The following OXR1 variants were observed in gnomAD, a reference collection of about 807,000 sequenced individuals.
OXR1 encodes the protein oxidation resistance protein 1.
Under a neutral mutation model 104.6 loss-of-function variants are expected in OXR1, and 41 were observed. The ratio of observed to expected loss-of-function variants is 0.39; its 90% CI spans 0.31 to 0.51. The LOEUF (loss-of-function observed/expected upper bound fraction) is 0.51, where lower values mean the gene tolerates loss of function less well. OXR1 is among the 20% of genes least tolerant of loss of function. OXR1 has a pLI of 0.77. For synonymous variants in OXR1, 348 were observed against 348.4 expected (o/e 1.00, Z 0.01); for missense variants, 955 against 1,031.9 (o/e 0.93, Z 1.02).
At chr8:106,632,276 A>G (rs1822752215) in intron 3 of OXR1, among the ~76,000 whole-genome samples, 1 of 152,190 alleles carries the variant, frequency 6.6e-6, no homozygotes, top group Non-Finnish European at 1.5e-5. Flanking sequence ...AGCATCCATT[A>G]TTGAAGTGAT....
chr8:106,499,276 C>T (rs1811621275), intron 2 of OXR1, among the ~76,000 whole-genome samples: 1 of 151,822 alleles, frequency 6.6e-6, no homozygotes, highest in Non-Finnish European at 1.5e-5. Flanking sequence ...AGAATGACTG[C>T]TAAATTACTA....
In OXR1 at chr8:106,518,934, T is replaced by C. The variant is rs1339093944; in HGVS notation, c.24-9T>C. 3 of 1,541,812 alleles carry C rather than the reference T, an allele frequency of 1.9e-6. No individual in the cohort carries two copies. Among genetic ancestry groups the C allele is most frequent in the East Asian group, 4.9e-5 (2 of 40,798 alleles). ...AGGATTCATAGCATGTGGTCTTCTT[T>C]ACTTGTAGGCTGAAGAAAAAGTCCC... On this transcript the variant is annotated splice_polypyrimidine_tract_variant and intron_variant, in intron 2 of 16. Coordinates refer to ENST00000517566, the MANE Select transcript of OXR1 (RefSeq NM_001198533.2).
chr8:106,649,684 A>G (rs1186543490), intron 3 of OXR1, among the ~76,000 whole-genome samples: 1 of 151,726 alleles, frequency 6.6e-6, no homozygotes, highest in Non-Finnish European at 1.5e-5. Context: ...AATTCTAAAT[A>G]TCTGTCAAAA....
intron 1 of OXR1, among the ~76,000 whole-genome samples, chr8:106,322,564 G>C (rs2130185284): frequency 6.6e-6 from 1 of 152,216 alleles, no homozygotes; most frequent in Middle Eastern, 3.4e-3. Context: ...AGAAATAAAG[G>C]GCATCCAAAT....
At chr8:106,731,912 A>T (rs1207561780) in intron 11 of OXR1, among the ~76,000 whole-genome samples, 1 of 152,142 alleles carries the variant, frequency 6.6e-6, no homozygotes, top group East Asian at 1.9e-4. Context: ...AAATTTTAGA[A>T]TCAATTTGCC....
chr8:106,350,588 A>G (rs998520088), intron 1 of OXR1, among the ~76,000 whole-genome samples: 1 of 152,216 alleles, frequency 6.6e-6, no homozygotes, highest in Non-Finnish European at 1.5e-5. Context: ...GAGAGGACAC[A>G]TAAAACTGCA....
chr8:106,639,906 A>T (rs1386292583), intron 3 of OXR1, among the ~76,000 whole-genome samples: 1 of 152,194 alleles, frequency 6.6e-6, no homozygotes, highest in Non-Finnish European at 1.5e-5. Context: ...CAGACACATA[A>T]ACAAAAAATT....
At chr8:106,355,988 G>A (rs1815951684) in intron 1 of OXR1, among the ~76,000 whole-genome samples, 3 of 152,082 alleles carry the variant, frequency 2.0e-5, no homozygotes, top group African/African-American at 7.2e-5. Flanking sequence ...AGAGGAGAGA[G>A]ACTGAACACA....
At chr8:106,703,204 A>G (rs958754196) in intron 8 of OXR1, 114 bp downstream of exon 8, 3 of 633,646 alleles carry the variant, frequency 4.7e-6, no homozygotes, top group Admixed American at 3.0e-5. Flanking sequence ...TATTTTGTCA[A>G]TAATGAAACG....
At chr8:106,481,611 T>C (rs139605196) in intron 2 of OXR1, among the ~76,000 whole-genome samples, 306 of 152,116 alleles carry the variant, frequency 2.0e-3, no homozygotes, top group Non-Finnish European at 3.2e-3. Context: ...CTATGGAGAA[T>C]TGGGGAGAGC....
chr8:106,420,633 A>C (rs535327716), intron 2 of OXR1, among the ~76,000 whole-genome samples: 1 of 152,058 alleles, frequency 6.6e-6, no homozygotes, highest in South Asian at 2.1e-4. Context: ...AGCATTAAGA[A>C]GATATCACAT....
intron 7 of OXR1, 53 bp downstream of exon 7, chr8:106,692,930 A>C: frequency 7.8e-7 from 1 of 1,283,144 alleles, no homozygotes; most frequent in Non-Finnish European, 1.1e-6. Flanking sequence ...GTTATTACTA[A>C]TGTATGATAG....
chr8:106,591,930 T>A (rs1447856616), intron 3 of OXR1, among the ~76,000 whole-genome samples: 1 of 152,194 alleles, frequency 6.6e-6, no homozygotes, highest in African/African-American at 2.4e-5. Flanking sequence ...ACACCTGGCG[T>A]GAGAGCTGCA....
chr8:106,356,904 T>C (rs1021365454), intron 1 of OXR1, among the ~76,000 whole-genome samples: 1 of 152,112 alleles, frequency 6.6e-6, no homozygotes, highest in Admixed American at 6.6e-5. Flanking sequence ...TTACAGGTGT[T>C]CAGACCTAAC....
rs1820076742 is a variant in OXR1 at position 106,447,815 on chromosome 8, A to G, written c.24-71128A>G. On this transcript the variant is annotated intron_variant, in intron 2 of 16. Coordinates refer to ENST00000517566, the MANE Select transcript of OXR1 (RefSeq NM_001198533.2). ...CACCGAACGGCATATTCTTTGGGTG[A>G]TAACAGCTTGCTGTGTGGGATTTGG... The G allele has an allele frequency of 3.3e-6, 4 of 1,225,844 alleles. No individual in the cohort carries two copies. The African/African-American group carries it at 6.1e-5, about 19-fold the overall frequency. 75.9% of individuals were successfully genotyped at this position (1,225,844 alleles called of 1,614,324 possible).
At chr8:106,302,304 C>A (rs912096140) in intron 1 of OXR1, among the ~76,000 whole-genome samples, 1 of 152,134 alleles carries the variant, frequency 6.6e-6, no homozygotes, top group African/African-American at 2.4e-5. Context: ...AATAATCAGC[C>A]GAGCGCGGTG....
intron 2 of OXR1, among the ~76,000 whole-genome samples, chr8:106,412,973 A>G (rs1818519092): frequency 6.6e-6 from 1 of 152,068 alleles, no homozygotes; most frequent in Non-Finnish European, 1.5e-5. Context: ...CTGAAAGCTA[A>G]TCTTGATGAA....
intron 3 of OXR1, among the ~76,000 whole-genome samples, chr8:106,547,370 G>A (rs1043893388): frequency 1.3e-5 from 2 of 151,942 alleles, no homozygotes; most frequent in South Asian, 2.1e-4. Flanking sequence ...CACTATTCTA[G>A]GTACCTCATA....
intron 3 of OXR1, among the ~76,000 whole-genome samples, chr8:106,536,093 G>A (rs1266535388): frequency 9.9e-5 from 15 of 151,930 alleles, no homozygotes; most frequent in East Asian, 9.7e-4. Context: ...GGTGGCGGGC[G>A]CCTGTAGTCC....
Sources: gnomAD v4.1 joint callset for allele counts (sites outside exome capture counted in the v4.1 genomes callset) on GRCh38, gnomAD v4.1.1 for gene constraint, MANE v1.5 for transcripts, NCBI Gene and HGNC (gene_info 2026-07-23, HGNC 2026-07-21) for gene names.